RALGAPB: variants seen among roughly 807,000 people sequenced by gnomAD.
The protein encoded by RALGAPB is Ral GTPase activating protein non-catalytic subunit beta.
RALGAPB carries 25 observed loss-of-function variants against 161.1 expected under a neutral mutation model. The ratio of observed to expected loss-of-function variants is 0.16; its 90% CI spans 0.11 to 0.22. The LOEUF is 0.22. Ranked by LOEUF, RALGAPB falls within the 10% of genes least tolerant of loss-of-function variation. The probability of loss-of-function intolerance (pLI) is 1.00; values close to 1 mark genes in which losing one functional copy is unlikely to be tolerated. For missense variants in RALGAPB, 1,391 were observed against 1,815.2 expected (o/e 0.77, Z 4.25); for synonymous variants, 629 against 626.1 (o/e 1.00, Z -0.07).
chr20:38,498,332 T>G (rs1412391924), intron 4 of RALGAPB, among the ~76,000 whole-genome samples: 1 of 152,220 alleles, frequency 6.6e-6, no homozygotes, highest in Non-Finnish European at 1.5e-5. Context: ...TATAGCACAG[T>G]GTATATAAAC....
intron 13 of RALGAPB, among the ~76,000 whole-genome samples, chr20:38,529,441 C>T (rs997184491): frequency 2.5e-4 from 38 of 151,560 alleles, no homozygotes; most frequent in African/African-American, 7.5e-4. Flanking sequence ...TGTTTGAACA[C>T]GGGAGGCGGA....
chr20:38,522,075 G>A (rs6070459), intron 10 of RALGAPB, among the ~76,000 whole-genome samples: 17,933 of 152,264 alleles, frequency 0.12, 2,896 homozygotes, highest in African/African-American at 0.36. Flanking sequence ...AAACAAAGCC[G>A]TGTACACATG....
At chr20:38,535,584 T>C (rs2086779517) in intron 16 of RALGAPB, among the ~76,000 whole-genome samples, 1 of 151,842 alleles carries the variant, frequency 6.6e-6, no homozygotes, top group Admixed American at 6.6e-5. Context: ...AAGTGAAAAC[T>C]GGCTACACCT....
At chr20:38,548,050 TAAG>T (rs2087233028) in intron 19 of RALGAPB, 1 of 152,176 alleles carries the variant, frequency 6.6e-6, no homozygotes, top group Non-Finnish European at 1.5e-5. Flanking sequence ...ATTGTAATAA[TAAG>T]AAATTATAGA....
intron 16 of RALGAPB, chr20:38,538,113 G>C (rs1434337220): frequency 2.5e-5 from 4 of 161,338 alleles, no homozygotes; most frequent in African/African-American, 9.5e-5. Flanking sequence ...CTTCTGTAGT[G>C]TGCTGTGGTT....
intron 13 of RALGAPB, among the ~76,000 whole-genome samples, chr20:38,530,762 A>G (rs1384300467): frequency 6.6e-6 from 1 of 151,450 alleles, no homozygotes; most frequent in Non-Finnish European, 1.5e-5. Flanking sequence ...ATACCCGGCT[A>G]ATTTTTGTAT....
At chr20:38,550,165 G>C (rs1486413115) in intron 20 of RALGAPB, among the ~76,000 whole-genome samples, 1 of 152,088 alleles carries the variant, frequency 6.6e-6, no homozygotes, top group Non-Finnish European at 1.5e-5. Flanking sequence ...GAGTGGGGAG[G>C]GATAGCAATG....
In RALGAPB at chr20:38,511,586, C is replaced by T. The variant is rs550782284; in HGVS notation, c.872+2378C>T. Among the ~76,000 whole-genome samples the T allele has an allele frequency of 1.7e-4, 26 of 152,134 alleles. No individual in the cohort carries two copies. In the South Asian group the frequency reaches 4.8e-3, roughly 28 times the overall value. On this transcript the variant is annotated intron_variant, in intron 6 of 29. Coordinates refer to ENST00000262879, the MANE Select transcript of RALGAPB (RefSeq NM_020336.4). The stretch of plus-strand genomic sequence containing the variant: ...CTGTTTAACAAAGCACATCTTGCAC[C>T]GCCATTAATCCATTTAACCCTGAGT...
chr20:38,549,585 T>TACACAC, intron 20 of RALGAPB, among the ~76,000 whole-genome samples: 1 of 147,482 alleles, frequency 6.8e-6, no homozygotes, highest in African/African-American at 2.5e-5. Flanking sequence ...CACATACATA[T>TACACAC]ACACACACAC....
intron 16 of RALGAPB, among the ~76,000 whole-genome samples, chr20:38,538,844 G>A (rs1015731116): frequency 6.6e-6 from 1 of 152,166 alleles, no homozygotes; most frequent in African/African-American, 2.4e-5. Flanking sequence ...CAGCTTGGCT[G>A]TTCCTTAAAA....
intron 5 of RALGAPB, among the ~76,000 whole-genome samples, chr20:38,501,398 G>A (rs2085590045): frequency 6.6e-6 from 1 of 152,132 alleles, no homozygotes; most frequent in Non-Finnish European, 1.5e-5. Context: ...GATTAGTTGA[G>A]CTCAGGAGTT....
chr20:38,543,635 G>C (rs1020145531), intron 18 of RALGAPB, among the ~76,000 whole-genome samples: 1 of 152,150 alleles, frequency 6.6e-6, no homozygotes, highest in African/African-American at 2.4e-5. Context: ...TTTGCAACTT[G>C]TCTGTTTTGC....
intron 5 of RALGAPB, among the ~76,000 whole-genome samples, chr20:38,504,649 G>A (rs1052933862): frequency 6.6e-6 from 1 of 152,138 alleles, no homozygotes; most frequent in African/African-American, 2.4e-5. Context: ...AAAACCTACA[G>A]AATGGGAGAA....
intron 20 of RALGAPB, among the ~76,000 whole-genome samples, chr20:38,550,094 T>C (rs1206739091): frequency 6.6e-6 from 1 of 151,892 alleles, no homozygotes; most frequent in Non-Finnish European, 1.5e-5. Context: ...AATTGAACAG[T>C]GGGAACACAT....
chr20:38,559,973 G>T (rs1243445310), intron 23 of RALGAPB, among the ~76,000 whole-genome samples: 1 of 152,120 alleles, frequency 6.6e-6, no homozygotes, highest in Non-Finnish European at 1.5e-5. Flanking sequence ...TTTTACTGTA[G>T]TCATTTTAAG....
intron 1 of RALGAPB, among the ~76,000 whole-genome samples, chr20:38,481,533 G>A (rs2084972592): frequency 6.6e-6 from 1 of 152,134 alleles, no homozygotes; most frequent in Admixed American, 6.6e-5. Context: ...AGATTCATTC[G>A]CTGTCATGAG....
chr20:38,487,991 C>T lies in RALGAPB; in HGVS notation c.-30-412C>T, dbSNP rs529198635. Among the ~76,000 whole-genome samples, 91 of 151,960 alleles carry T rather than the reference C, an allele frequency of 6.0e-4. 2 individuals carry two copies. Among genetic ancestry groups the T allele is most frequent in the Non-Finnish European group, 2.9e-4 (20 of 67,986 alleles). The stretch of plus-strand genomic sequence containing the variant: ...TGAGGCAGGAGAATTGCTTGAATCG[C>T]GGAGGTTGCTGTGAGCCAAGATCAC... On this transcript the variant is annotated intron_variant, in intron 1 of 29. Coordinates refer to ENST00000262879, the MANE Select transcript of RALGAPB (RefSeq NM_020336.4).
chr20:38,480,385 CTTTTTTTTTTT>C (rs71189925), intron 1 of RALGAPB, among the ~76,000 whole-genome samples: 1 of 128,740 alleles, frequency 7.8e-6, no homozygotes. Flanking sequence ...TTCTTTCTTT[CTTTTTTTTTTT>C]TTTTTTTTGA....
intron 6 of RALGAPB, among the ~76,000 whole-genome samples, chr20:38,510,388 A>G (rs1475106117): frequency 2.0e-5 from 3 of 152,178 alleles, no homozygotes; most frequent in Non-Finnish European, 1.5e-5. Flanking sequence ...TTTTAACTTT[A>G]TAATATTTAC....
Sources: gnomAD v4.1 joint callset for allele counts (sites outside exome capture counted in the v4.1 genomes callset) on GRCh38, gnomAD v4.1.1 for gene constraint, MANE v1.5 for transcripts, NCBI Gene and HGNC (gene_info 2026-07-23, HGNC 2026-07-21) for gene names.